SMU1: variants seen among roughly 807,000 people sequenced by gnomAD.
SMU1 encodes the protein WD40 repeat-containing protein SMU1.
In SMU1, 2 loss-of-function variants were observed where a neutral mutation model predicts 62.0. The observed-to-expected ratio is 0.03, with a 90% CI of 0.01 to 0.10. The LOEUF (loss-of-function observed/expected upper bound fraction) is 0.10, where lower values mean the gene tolerates loss of function less well. Among genes scored for constraint, SMU1 ranks in the 10% least tolerant of loss-of-function variants. SMU1 has a pLI of 1.00. For missense variants in SMU1, 227 were observed against 622.1 expected, an observed-to-expected ratio of 0.36 and a Z score of 6.76; for synonymous variants, 188 against 212.4, an observed-to-expected ratio of 0.89 and a Z score of 1.00.
intron 1 of SMU1, among the ~76,000 whole-genome samples, chr9:33,075,512 G>A (rs775326491): frequency 1.3e-5 from 2 of 152,094 alleles, no homozygotes; most frequent in Non-Finnish European, 2.9e-5. Flanking sequence ...GCACATGTCC[G>A]TTGACTTCCA....
intron 3 of SMU1, among the ~76,000 whole-genome samples, chr9:33,071,048 C>A (rs1182537032): frequency 6.6e-6 from 1 of 152,174 alleles, no homozygotes; most frequent in Non-Finnish European, 1.5e-5. Flanking sequence ...AGGATACATG[C>A]TTGAGGTGAT....
intron 4 of SMU1, among the ~76,000 whole-genome samples, chr9:33,067,956 T>C (rs937353507): frequency 6.6e-6 from 1 of 152,188 alleles, no homozygotes; most frequent in Non-Finnish European, 1.5e-5. Flanking sequence ...TTACTCTAAG[T>C]AGCTTTATAA....
At chr9:33,062,438 G>A (rs528893828) in intron 4 of SMU1, among the ~76,000 whole-genome samples, 1 of 152,020 alleles carries the variant, frequency 6.6e-6, no homozygotes, top group Non-Finnish European at 1.5e-5. Flanking sequence ...TGGCTCTTTT[G>A]TTATAAACAA....
chr9:33,069,018 C>T, intron 3 of SMU1, 84 bp from the exon 4 acceptor site: 1 of 1,472,038 alleles, frequency 6.8e-7, no homozygotes, highest in African/African-American at 1.4e-5. Context: ...CAAGCAGAAG[C>T]ATACACAGAG....
chr9:33,055,571 T>C (rs1445155324), intron 9 of SMU1, among the ~76,000 whole-genome samples: 2 of 152,174 alleles, frequency 1.3e-5, no homozygotes, highest in African/African-American at 2.4e-5. Context: ...TAACTAAATC[T>C]TTAAAGGTAC....
chr9:33,049,764 C>CCA (rs61036431), intron 10 of SMU1, among the ~76,000 whole-genome samples: 8,177 of 148,474 alleles, frequency 0.055, 276 homozygotes, highest in East Asian at 0.14. Flanking sequence ...GACCCCATTT[C>CCA]CACACACACA....
intron 6 of SMU1, 47 bp from the exon 7 acceptor site, chr9:33,057,761 A>AC (rs760788904): frequency 6.2e-7 from 1 of 1,606,376 alleles, no homozygotes; most frequent in Non-Finnish European, 8.5e-7. Flanking sequence ...CAAAGCCAAG[A>AC]CCCCAGTTCT....
In SMU1 at chr9:33,046,573, T is replaced by C. The variant is rs1449494889; in HGVS notation, c.*720A>G. 7.2e-6 allele frequency: 1 copy of C among 139,690 alleles called. No individual in the cohort carries two copies. The highest frequency in any genetic ancestry group is 1.5e-5 in the Non-Finnish European group (1 of 64,814). 8.7% of individuals were successfully genotyped at this position (139,690 alleles called of 1,614,324 possible). A position where few individuals can be genotyped will look rare whatever the true frequency, so the allele number is the denominator to read the frequency against. Reference sequence around the variant, plus strand: ...AGTCTCCAGAAAGGTATAAAGTTTATTAACATCTTTAAAAAAAAAAAAAAA... The same window carrying C: ...AGTCTCCAGAAAGGTATAAAGTTTACTAACATCTTTAAAAAAAAAAAAAAA... On this transcript the variant is annotated 3_prime_UTR_variant, in exon 12 of 12. Coordinates refer to ENST00000397149, the MANE Select transcript of SMU1 (RefSeq NM_018225.3).
chr9:33,043,503 C>T lies in SMU1; in HGVS notation c.*3790G>A, dbSNP rs1839148043. 6.6e-6 allele frequency: 1 copy of T among 152,224 alleles called. No homozygotes were observed. Among genetic ancestry groups the T allele is most frequent in the African/African-American group, 2.4e-5 (1 of 41,436 alleles). 9.4% of individuals were successfully genotyped at this position (152,224 alleles called of 1,614,324 possible). On this transcript the variant is annotated 3_prime_UTR_variant, in exon 12 of 12. Coordinates refer to ENST00000397149, the MANE Select transcript of SMU1 (RefSeq NM_018225.3). Reference sequence around the variant, plus strand: ...CTTAGAATGTGTCTATCACGTGACACTTGTAAGAACCACTGTTCTAGCACA... The same window carrying T: ...CTTAGAATGTGTCTATCACGTGACATTTGTAAGAACCACTGTTCTAGCACA...
At position 33,042,030 on chromosome 9, in the gene SMU1, AAAT is replaced by A. The variant is rs1839131716; in HGVS notation, c.*5260_*5262del. 1 of 152,392 alleles carries A rather than the reference AAAT, an allele frequency of 6.6e-6. No individual in the cohort carries two copies. The highest frequency in any genetic ancestry group is 6.5e-5 in the Admixed American group (1 of 15,282). 9.4% of individuals were successfully genotyped at this position (152,392 alleles called of 1,614,324 possible). A position where few individuals can be genotyped will look rare whatever the true frequency, so the allele number is the denominator to read the frequency against. On this transcript the variant is annotated 3_prime_UTR_variant, in exon 12 of 12. Coordinates refer to ENST00000397149, the MANE Select transcript of SMU1 (RefSeq NM_018225.3). ...TACAATAGTGGTTGCGTAACATCGT[AAAT>A]AATGCCACTGAATTGCACAATTGTT...
chr9:33,055,183 T>G (rs1280112250), intron 9 of SMU1, among the ~76,000 whole-genome samples: 1 of 152,128 alleles, frequency 6.6e-6, no homozygotes, highest in Non-Finnish European at 1.5e-5. Context: ...TACATACATT[T>G]ATTGATTGAC....
chr9:33,060,215 T>C (rs1839348002), intron 6 of SMU1, among the ~76,000 whole-genome samples: 1 of 152,124 alleles, frequency 6.6e-6, no homozygotes, highest in African/African-American at 2.4e-5. Flanking sequence ...GCGGTCTCAC[T>C]ATGCTGCCCC....
chr9:33,068,689 G>C (rs1839453401), intron 4 of SMU1, 135 bp downstream of exon 4: 1 of 1,004,488 alleles, frequency 1.0e-6, no homozygotes, highest in Admixed American at 3.1e-5. Context: ...ACTTTTTGTA[G>C]AGACAGAGTC....
At position 33,043,734 on chromosome 9, in the gene SMU1, C is replaced by T. The variant is rs538127704; in HGVS notation, c.*3559G>A. On this transcript the variant is annotated 3_prime_UTR_variant, in exon 12 of 12. Transcript: ENST00000397149. ...GAGTGAGGCAAGAGAGAAAAAAAAC[C>T]TAGCTTCGGAGTCACATCTGGTTTT... The T allele has an allele frequency of 6.6e-6, 1 of 152,130 alleles. No homozygotes were observed. The highest frequency in any genetic ancestry group is 2.4e-5 in the African/African-American group (1 of 41,402). The allele number at this position is 152,130 out of a possible 1,614,324, so 9.4% of individuals were successfully genotyped here. A position where few individuals can be genotyped will look rare whatever the true frequency, so the allele number is the denominator to read the frequency against.
chr9:33,075,368 C>G (rs1202869627), intron 1 of SMU1, among the ~76,000 whole-genome samples: 1 of 151,374 alleles, frequency 6.6e-6, no homozygotes, highest in Non-Finnish European at 1.5e-5. Context: ...CAGAGTGAGA[C>G]TCCGTCTCAA....
chr9:33,067,358 T>C (rs1839433859), intron 4 of SMU1, among the ~76,000 whole-genome samples: 1 of 146,816 alleles, frequency 6.8e-6, no homozygotes, highest in Non-Finnish European at 1.5e-5. Flanking sequence ...GGTATTCAGC[T>C]ATGGAGCTAA....
At chr9:33,066,441 G>A (rs1839420088) in intron 4 of SMU1, among the ~76,000 whole-genome samples, 4 of 144,972 alleles carry the variant, frequency 2.8e-5, no homozygotes, top group Admixed American at 2.1e-4. Flanking sequence ...TGTAATCCCA[G>A]TACTTAGGAA....
chr9:33,071,462 G>C (rs961614349), intron 3 of SMU1, among the ~76,000 whole-genome samples: 2 of 152,154 alleles, frequency 1.3e-5, no homozygotes, highest in African/African-American at 4.8e-5. Context: ...ATGTGGAAAT[G>C]ACATCAGAAT....
At chr9:33,055,443 C>T (rs955079171) in intron 9 of SMU1, among the ~76,000 whole-genome samples, 13 of 152,186 alleles carry the variant, frequency 8.5e-5, no homozygotes, top group African/African-American at 2.7e-4. Context: ...AGTACTCACT[C>T]ATATAAGACA....
Sources: allele counts gnomAD v4.1 joint callset (sites outside exome capture counted in the v4.1 genomes callset), GRCh38; gene constraint gnomAD v4.1.1; transcripts MANE v1.5; gene names NCBI Gene and HGNC (gene_info 2026-07-23, HGNC 2026-07-21).